GLIS3: variants seen among roughly 807,000 people sequenced by gnomAD.
GLIS3 encodes the protein zinc finger protein GLIS3.
GLIS3 carries 53 observed loss-of-function variants against 78.6 expected under a neutral mutation model. The observed-to-expected ratio is 0.67, with a 90% CI of 0.54 to 0.85. The LOEUF (loss-of-function observed/expected upper bound fraction) is 0.85. Among genes scored for constraint, GLIS3 ranks in the 40% least tolerant of loss-of-function variants. GLIS3 has a pLI of 0.00. For missense variants in GLIS3, 1,703 were observed against 1,231.1 expected, an observed-to-expected ratio of 1.38 and a Z score of -5.74; for synonymous variants, 684 against 509.9, an observed-to-expected ratio of 1.34 and a Z score of -4.60.
intron 6 of GLIS3, among the ~76,000 whole-genome samples, chr9:3,907,469 AG>A (rs1263401679): frequency 6.6e-6 from 1 of 152,122 alleles, no homozygotes; most frequent in Non-Finnish European, 1.5e-5. Context: ...TAAATGTGGC[AG>A]AAACTACTGA....
intron 4 of GLIS3, among the ~76,000 whole-genome samples, chr9:4,082,598 A>T (rs1276134305): frequency 6.6e-6 from 1 of 152,150 alleles, no homozygotes; most frequent in Non-Finnish European, 1.5e-5. Flanking sequence ...GACAGTCCAT[A>T]ATTATGTGCT....
At chr9:4,227,950 G>A (rs1233914967) in intron 2 of GLIS3, among the ~76,000 whole-genome samples, 1 of 152,148 alleles carries the variant, frequency 6.6e-6, no homozygotes, top group Non-Finnish European at 1.5e-5. Flanking sequence ...AATTGTTTGG[G>A]ATCACATAAT....
chr9:4,252,094 C>T (rs1453208208), intron 2 of GLIS3, among the ~76,000 whole-genome samples: 1 of 152,054 alleles, frequency 6.6e-6, no homozygotes. Flanking sequence ...TGGGGTTGCT[C>T]TTCTCAAGGA....
the GLIS3 span, among the ~76,000 whole-genome samples, chr9:4,452,610 A>C: frequency 2.0e-5 from 3 of 152,322 alleles, no homozygotes; most frequent in East Asian, 5.8e-4. Flanking sequence ...TCCAACTTAC[A>C]AGGGATGTGA....
intron 2 of GLIS3, among the ~76,000 whole-genome samples, chr9:4,231,866 G>A (rs1014113161): frequency 6.6e-6 from 1 of 152,108 alleles, no homozygotes; most frequent in East Asian, 1.9e-4. Flanking sequence ...GAACTTAATG[G>A]AAGGCCTGCA....
chr9:3,903,097 C>G (rs777245124), intron 6 of GLIS3, among the ~76,000 whole-genome samples: 3 of 152,248 alleles, frequency 2.0e-5, no homozygotes, highest in South Asian at 2.1e-4. Context: ...TTCTAAGAAG[C>G]CTCCTTGGGA....
chr9:4,183,062 C>G (rs1160644918), intron 2 of GLIS3, among the ~76,000 whole-genome samples: 1 of 152,196 alleles, frequency 6.6e-6, no homozygotes, highest in East Asian at 1.9e-4. Context: ...CACGTGCTGT[C>G]TGGAAGTCAT....
At chr9:3,958,521 C>T (rs1268892024) in intron 4 of GLIS3, among the ~76,000 whole-genome samples, 2 of 152,176 alleles carry the variant, frequency 1.3e-5, no homozygotes, top group African/African-American at 4.8e-5. Flanking sequence ...TTCTGCTATT[C>T]CAACAGTCTT....
rs368157476 is a variant in GLIS3 at position 4,298,206 on chromosome 9, C to A, written c.-99+1215G>T. ...TGCCCGGCCTGGCCGGAGCCTGTAGCCCGGGGGCGCCACGGCCGGGCTCGC... is the reference window on the plus strand; with the variant it reads ...TGCCCGGCCTGGCCGGAGCCTGTAGACCGGGGGCGCCACGGCCGGGCTCGC... On this transcript the variant is annotated intron_variant, in intron 1 of 10. Transcript: ENST00000381971. Among the ~76,000 whole-genome samples, 141 of 152,158 alleles carry A rather than the reference C, an allele frequency of 9.3e-4. 1 individual carries two copies. In the South Asian group the frequency reaches 0.011, roughly 12 times the overall value.
chr9:4,167,337 T>G (rs1815951805), intron 2 of GLIS3, among the ~76,000 whole-genome samples: 1 of 152,360 alleles, frequency 6.6e-6, no homozygotes, highest in Non-Finnish European at 1.5e-5. Flanking sequence ...TGGGAATTTT[T>G]TTTTATTTCC....
chr9:4,398,701 T>C, the GLIS3 span, among the ~76,000 whole-genome samples: 1 of 152,062 alleles, frequency 6.6e-6, no homozygotes, highest in Non-Finnish European at 1.5e-5. Flanking sequence ...TTGTTGTATT[T>C]TGTTTGAGAC....
At chr9:4,255,960 A>T (rs755386629) in intron 2 of GLIS3, among the ~76,000 whole-genome samples, 33 of 152,330 alleles carry the variant, frequency 2.2e-4, no homozygotes, top group Non-Finnish European at 3.7e-4. Context: ...ATATGCGTGC[A>T]GGGAGTATAT....
chr9:4,106,923 C>A (rs894221666), intron 4 of GLIS3, among the ~76,000 whole-genome samples: 5 of 151,896 alleles, frequency 3.3e-5, no homozygotes, highest in African/African-American at 9.7e-5. Context: ...GTAATTTGGA[C>A]AAGGTGGGAA....
intron 4 of GLIS3, among the ~76,000 whole-genome samples, chr9:3,976,628 A>G (rs1024746469): frequency 6.6e-6 from 1 of 151,630 alleles, no homozygotes; most frequent in Non-Finnish European, 1.5e-5. Context: ...AATTCAGAAC[A>G]TCTCAATCAG....
chr9:4,075,747 T>C (rs1445819200), intron 4 of GLIS3, among the ~76,000 whole-genome samples: 1 of 152,004 alleles, frequency 6.6e-6, no homozygotes, highest in Non-Finnish European at 1.5e-5. Context: ...CAACCTGTGA[T>C]ATAGTCGTAC....
Position 4,025,576 on chromosome 9 carries a change from C to A in GLIS3, c.1711-88387G>T, listed in dbSNP as rs527997627. Among the ~76,000 whole-genome samples, 611 of 152,070 alleles carry A rather than the reference C, an allele frequency of 4.0e-3. 6 individuals are homozygous for A. The highest frequency in any genetic ancestry group is 0.01 in the Middle Eastern group (3 of 294). On this transcript the variant is annotated intron_variant, in intron 4 of 10. Coordinates refer to ENST00000381971, the MANE Select transcript of GLIS3 (RefSeq NM_001042413.2). ...CTAATTTTTGTATTTTTAGTAGAGA[C>A]GGGGTTTCACCATGTTTGCCAGGAG... is the stretch of plus-strand genomic sequence containing the variant.
chr9:4,258,155 T>A lies in GLIS3; in HGVS notation c.388+27883A>T, dbSNP rs920205545. ...TTTCAGTACTTTCCTAATTCTACAA[T>A]GAAAAAAAATACGTCTTTTTTGTTT... is the stretch of plus-strand genomic sequence containing the variant. On this transcript the variant is annotated intron_variant, in intron 2 of 10. Coordinates refer to ENST00000381971, the MANE Select transcript of GLIS3 (RefSeq NM_001042413.2). Among the ~76,000 whole-genome samples the A allele has an allele frequency of 2.0e-5, 3 of 151,768 alleles. No homozygotes were observed. In the East Asian group the frequency reaches 5.8e-4, roughly 29 times the overall value.
intron 4 of GLIS3, among the ~76,000 whole-genome samples, chr9:4,094,472 G>C (rs1418652122): frequency 6.6e-6 from 1 of 152,146 alleles, no homozygotes; most frequent in African/African-American, 2.4e-5. Context: ...TGCTATAAAG[G>C]TCAAAGTGGG....
chr9:4,410,366 C>T, the GLIS3 span, among the ~76,000 whole-genome samples: 2 of 152,030 alleles, frequency 1.3e-5, no homozygotes. Context: ...TAGCATAGAG[C>T]TATGGAGAAA....
Sources: gnomAD v4.1 joint callset for allele counts (sites outside exome capture counted in the v4.1 genomes callset) on GRCh38, gnomAD v4.1.1 for gene constraint, MANE v1.5 for transcripts, NCBI Gene and HGNC (gene_info 2026-07-23, HGNC 2026-07-21) for gene names.